SPAG16: variants seen among roughly 807,000 people sequenced by gnomAD.
SPAG16 encodes sperm-associated antigen 16 protein.
In SPAG16, 86 loss-of-function variants were observed where a neutral mutation model predicts 80.4. The ratio of observed to expected loss-of-function variants is 1.07; its 90% CI spans 0.90 to 1.28. The LOEUF (loss-of-function observed/expected upper bound fraction) is 1.28. Ranked by LOEUF, SPAG16 falls within the 50% of genes most tolerant of loss-of-function variation. SPAG16 has a pLI of 0.00. For synonymous variants in SPAG16, 294 were observed against 265.9 expected (o/e 1.11, Z -1.03); for missense variants, 870 against 765.3 (o/e 1.14, Z -1.61).
intron 10 of SPAG16, among the ~76,000 whole-genome samples, chr2:213,542,169 A>G (rs1373638587): frequency 6.6e-6 from 1 of 152,214 alleles, no homozygotes; most frequent in Non-Finnish European, 1.5e-5. Flanking sequence ...TGAATAAGTA[A>G]GAATTGTAAA....
intron 15 of SPAG16, among the ~76,000 whole-genome samples, chr2:214,224,962 C>T (rs1265119651): frequency 1.3e-5 from 2 of 152,074 alleles, no homozygotes; most frequent in Non-Finnish European, 2.9e-5. Flanking sequence ...ATAATGGTTG[C>T]TGTTGAAACA....
intron 10 of SPAG16, among the ~76,000 whole-genome samples, chr2:213,707,795 G>A (rs1382760377): frequency 6.6e-6 from 1 of 151,922 alleles, no homozygotes; most frequent in East Asian, 1.9e-4. Flanking sequence ...TTACTTTTTT[G>A]TTAGCTTATA....
intron 12 of SPAG16, among the ~76,000 whole-genome samples, chr2:213,991,251 T>C (rs2046267134): frequency 6.6e-6 from 1 of 152,040 alleles, no homozygotes; most frequent in African/African-American, 2.4e-5. Context: ...GAACATGTGG[T>C]GTTTGGTTTT....
At chr2:213,818,230 C>A (rs1359864060) in intron 10 of SPAG16, among the ~76,000 whole-genome samples, 1 of 152,176 alleles carries the variant, frequency 6.6e-6, no homozygotes. Context: ...GTAGATCTTT[C>A]ATCAGTTCTT....
chr2:214,245,379 C>T (rs755443966), intron 15 of SPAG16, among the ~76,000 whole-genome samples: 2 of 152,052 alleles, frequency 1.3e-5, no homozygotes, highest in African/African-American at 2.4e-5. Flanking sequence ...GCCTTCTGCA[C>T]CACCTTTTGT....
intron 1 of SPAG16, among the ~76,000 whole-genome samples, chr2:213,285,312 A>G (rs2062013578): frequency 6.6e-6 from 1 of 152,228 alleles, no homozygotes; most frequent in Non-Finnish European, 1.5e-5. Context: ...GAAAAATTGA[A>G]TAACAATGTG....
Position 213,400,444 on chromosome 2 carries a change from G to A in SPAG16, c.942+25325G>A, listed in dbSNP as rs142636833. ...CATTTTCAAATTTACATATGCATGG[G>A]TTTTGGGTTATTTTTTTATTTGGGT... On this transcript the variant is annotated intron_variant, in intron 9 of 15. Transcript: ENST00000331683. Among the ~76,000 whole-genome samples the A allele has an allele frequency of 8.5e-3, 1,301 of 152,186 alleles. 12 individuals are homozygous for A. Among genetic ancestry groups the A allele is most frequent in the Non-Finnish European group, 0.015 (992 of 68,002 alleles).
rs2068096936 is a variant in SPAG16, at chr2:213,397,413, G to A, written c.942+22294G>A. On this transcript the variant is annotated intron_variant, in intron 9 of 15. Coordinates refer to ENST00000331683, the MANE Select transcript of SPAG16 (RefSeq NM_024532.5). ...TTTCAGTTTGTTCTCCCTCCTTCAT[G>A]AACATACCCTTCCGTGAATCTCATG... is the stretch of plus-strand genomic sequence containing the variant. 3.3e-5 allele frequency among the ~76,000 whole-genome samples: 5 copies of A among 152,038 alleles called. No homozygotes were observed. In the South Asian group the frequency reaches 1.0e-3, roughly 32 times the overall value.
intron 9 of SPAG16, among the ~76,000 whole-genome samples, chr2:213,407,715 A>AAGAGAGACAGGAGAG (rs1419648027): frequency 2.4e-4 from 31 of 130,526 alleles, no homozygotes; most frequent in Admixed American, 7.6e-5. Flanking sequence ...AGACAGAGGA[A>AAGAGAGACAGGAGAG]AGAGAGACAG....
chr2:214,181,885 T>G (rs574274257), intron 15 of SPAG16, among the ~76,000 whole-genome samples: 5 of 151,896 alleles, frequency 3.3e-5, no homozygotes, highest in Middle Eastern at 3.4e-3. Context: ...CACAGTGACT[T>G]AAAGTGCTTT....
In SPAG16 at chr2:213,805,867, T is replaced by C. The variant is rs142337032; in HGVS notation, c.1071-56618T>C. Among the ~76,000 whole-genome samples, 438 of 152,328 alleles carry C rather than the reference T, an allele frequency of 2.9e-3. 2 individuals are homozygous for C. Among genetic ancestry groups the C allele is most frequent in the African/African-American group, 0.01 (425 of 41,562 alleles). On this transcript the variant is annotated intron_variant, in intron 10 of 15. Transcript: ENST00000331683. ...ATATAGCAATGGTTGTTATAATGCCTAAGGCATGGTAAAAAGCCAAGTTGT... is the reference window on the plus strand; with the variant it reads ...ATATAGCAATGGTTGTTATAATGCCCAAGGCATGGTAAAAAGCCAAGTTGT...
intron 10 of SPAG16, among the ~76,000 whole-genome samples, chr2:213,756,647 A>T (rs114624612): frequency 6.6e-6 from 1 of 152,246 alleles, no homozygotes; most frequent in East Asian, 1.9e-4. Flanking sequence ...AAACATGTTA[A>T]TATGGGATCT....
At chr2:214,227,018 C>T (rs2058712604) in intron 15 of SPAG16, among the ~76,000 whole-genome samples, 1 of 152,034 alleles carries the variant, frequency 6.6e-6, no homozygotes, top group Non-Finnish European at 1.5e-5. Context: ...TGACAATGTA[C>T]CAGTCTAGCA....
intron 7 of SPAG16, among the ~76,000 whole-genome samples, chr2:213,351,187 T>C (rs891493920): frequency 1.3e-5 from 2 of 152,074 alleles, no homozygotes; most frequent in African/African-American, 4.8e-5. Flanking sequence ...GACATAAATT[T>C]ATAGCAGATT....
chr2:213,360,044 C>T (rs183591694), intron 7 of SPAG16, among the ~76,000 whole-genome samples: 2 of 152,178 alleles, frequency 1.3e-5, no homozygotes, highest in African/African-American at 4.8e-5. Context: ...CTCTCTCAAC[C>T]AAATCTGCTG....
chr2:213,891,479 G>A (rs952763908), intron 11 of SPAG16, among the ~76,000 whole-genome samples: 6 of 152,208 alleles, frequency 3.9e-5, no homozygotes, highest in Admixed American at 3.3e-4. Flanking sequence ...ACAGTTGTCA[G>A]TAGAGATCAT....
At chr2:214,122,954 A>T (rs779612326) in intron 14 of SPAG16, among the ~76,000 whole-genome samples, 45 of 151,998 alleles carry the variant, frequency 3.0e-4, no homozygotes, top group Non-Finnish European at 5.9e-4. Context: ...ATAATTTTAT[A>T]TCTCAAGCCC....
At chr2:213,572,591 G>C (rs531000203) in intron 10 of SPAG16, among the ~76,000 whole-genome samples, 3 of 152,098 alleles carry the variant, frequency 2.0e-5, no homozygotes, top group African/African-American at 4.8e-5. Context: ...GGCAGTCGGC[G>C]GGTTCTCAGA....
In SPAG16 at chr2:213,896,593, C is replaced by CTATATATATATATATATAT. The variant is rs1553657365; in HGVS notation, c.1215-33367_1215-33366insTATATATATATATATATAT. Among the ~76,000 whole-genome samples, 255 of 119,608 alleles carry CTATATATATATATATATAT rather than the reference C, an allele frequency of 2.1e-3. 1 individual carries two copies. The highest frequency in any genetic ancestry group is 5.7e-3 in the South Asian group (25 of 4,374). The allele number at this position is 119,608 out of a possible 152,430, so 78.5% of individuals were successfully genotyped here. On this transcript the variant is annotated intron_variant, in intron 11 of 15. Coordinates refer to ENST00000331683, the MANE Select transcript of SPAG16 (RefSeq NM_024532.5). ...AATGTGATATATACACACACACACGCACACACACACACACACACACACATA... is the reference window on the plus strand; with the variant it reads ...AATGTGATATATACACACACACACGCTATATATATATATATATATACACACACACACACACACACACATA...
Sources: allele counts gnomAD v4.1 joint callset (sites outside exome capture counted in the v4.1 genomes callset), GRCh38; gene constraint gnomAD v4.1.1; transcripts MANE v1.5; gene names NCBI Gene and HGNC (gene_info 2026-07-23, HGNC 2026-07-21).